The following HS6ST1 variants were observed in gnomAD, a reference collection of about 807,000 sequenced individuals.
HS6ST1 encodes heparan-sulfate 6-O-sulfotransferase 1.
Under a neutral mutation model 25.2 loss-of-function variants are expected in HS6ST1, and 3 were observed. The ratio of observed to expected loss-of-function variants is 0.12; its 90% confidence interval spans 0.05 to 0.31. The LOEUF is 0.31. HS6ST1 is among the 10% of genes least tolerant of loss of function. The pLI, the probability that HS6ST1 is intolerant of heterozygous loss-of-function variation, is 1.00. For missense variants in HS6ST1, 310 were observed against 609.6 expected (o/e 0.51, Z 5.18); for synonymous variants, 204 against 275.1 (o/e 0.74, Z 2.56).
At chr2:128,287,299 A>C (rs961344994) in intron 1 of HS6ST1, among the ~76,000 whole-genome samples, 1 of 152,182 alleles carries the variant, frequency 6.6e-6, no homozygotes, top group Non-Finnish European at 1.5e-5. Flanking sequence ...ACTCCCCCAG[A>C]GAAGGTGCAG....
chr2:128,296,617 T>G (rs952194743), intron 1 of HS6ST1, among the ~76,000 whole-genome samples: 6 of 152,224 alleles, frequency 3.9e-5, no homozygotes, highest in African/African-American at 1.4e-4. Context: ...ATGTTTTTGT[T>G]GGCATCAGAA....
chr2:128,282,991 G>A (rs1489032085), intron 1 of HS6ST1, among the ~76,000 whole-genome samples: 1 of 152,188 alleles, frequency 6.6e-6, no homozygotes, highest in Non-Finnish European at 1.5e-5. Context: ...ACTGCCAGGG[G>A]GCTGTCATCT....
chr2:128,299,442 CAT>C (rs1694089701), intron 1 of HS6ST1, among the ~76,000 whole-genome samples: 1 of 152,242 alleles, frequency 6.6e-6, no homozygotes, highest in African/African-American at 2.4e-5. Flanking sequence ...CTCAGTGTGA[CAT>C]GTGGGGAAAC....
chr2:128,296,912 C>T (rs1694046546), intron 1 of HS6ST1, among the ~76,000 whole-genome samples: 1 of 152,102 alleles, frequency 6.6e-6, no homozygotes, highest in South Asian at 2.1e-4. Context: ...AGCTAAAGTA[C>T]TTGACAAAAA....
intron 1 of HS6ST1, among the ~76,000 whole-genome samples, chr2:128,287,085 C>G (rs1210906798): frequency 6.6e-6 from 1 of 152,214 alleles, no homozygotes; most frequent in Non-Finnish European, 1.5e-5. Context: ...TGACAAGGAA[C>G]CCTCTGGGGC....
In HS6ST1 at chr2:128,318,393, G is replaced by T; in HGVS notation, c.171C>A (p.Phe57Leu). 4 of 1,605,666 alleles carry T rather than the reference G, an allele frequency of 2.5e-6. No homozygotes were observed. Among genetic ancestry groups the T allele is most frequent in the Non-Finnish European group, 3.4e-6 (4 of 1,177,246 alleles). The change falls in exon 1 of 2, where the codon TTC becomes TTA. Residue 57 changes from phenylalanine (F) to leucine (L), a missense_variant. Transcript: ENST00000259241. The surrounding 1 kb of genome is among the most constrained non-coding windows in gnomAD (Gnocchi z 5.7). The part of the protein sequence containing the change: ...GRAPPDDLDL[F>L]PTPDPHYEKK... ...TCTCGTAGTGGGGGTCGGGTGTGGG[G>T]AACAGGTCCAGGTCGTCGGGCGGCG...
intron 1 of HS6ST1, among the ~76,000 whole-genome samples, chr2:128,283,857 C>T (rs557065107): frequency 6.6e-6 from 1 of 152,338 alleles, no homozygotes; most frequent in Non-Finnish European, 1.5e-5. Context: ...AAACATCTCT[C>T]CCACTGCAAG....
chr2:128,304,904 A>G (rs1694185486), intron 1 of HS6ST1, among the ~76,000 whole-genome samples: 1 of 152,120 alleles, frequency 6.6e-6, no homozygotes, highest in Non-Finnish European at 1.5e-5. Flanking sequence ...GCACCCACAC[A>G]CACTTGCAGG....
intron 1 of HS6ST1, among the ~76,000 whole-genome samples, chr2:128,273,788 C>T (rs962826963): frequency 2.0e-5 from 3 of 152,204 alleles, no homozygotes; most frequent in African/African-American, 7.2e-5. Context: ...TGCCAAAAGG[C>T]GGGGTGGAGG....
chr2:128,317,984 G>T (rs937165563), intron 1 of HS6ST1, 53 bp downstream of exon 1: 15 of 1,393,852 alleles, frequency 1.1e-5, no homozygotes, highest in Middle Eastern at 2.6e-4. Context: ...GCGGGCATAC[G>T]GCCCGGCCTC....
At chr2:128,294,304 G>A (rs915718607) in intron 1 of HS6ST1, among the ~76,000 whole-genome samples, 15 of 152,304 alleles carry the variant, frequency 9.8e-5, no homozygotes, top group African/African-American at 2.2e-4. Flanking sequence ...GGCACAGGGC[G>A]GGGTGGGCTG....
At chr2:128,318,868 T>TGCGCCGCCCCGC (rs997272949), upstream of HS6ST1, among the ~76,000 whole-genome samples, 1 of 147,614 alleles carries the variant, frequency 6.8e-6, no homozygotes, top group African/African-American at 2.5e-5. The surrounding 1 kb of genome is among the most constrained non-coding windows in gnomAD (Gnocchi z 5.7). Context: ...GAGAACGCTC[T>TGCGCCGCCCCGC]GCGCCGCCCC....
chr2:128,294,671 C>CGTGTGTGTGTGT (rs56059401), intron 1 of HS6ST1, among the ~76,000 whole-genome samples: 5 of 136,046 alleles, frequency 3.7e-5, no homozygotes, highest in South Asian at 2.6e-4. Flanking sequence ...AGAAGGGAGG[C>CGTGTGTGTGTGT]GTGTGTGTGT....
chr2:128,282,583 C>G (rs577377179), intron 1 of HS6ST1, among the ~76,000 whole-genome samples: 2 of 152,340 alleles, frequency 1.3e-5, no homozygotes, highest in Admixed American at 1.3e-4. Context: ...GGGCAGAGAC[C>G]CCGAGGCAGG....
At chr2:128,304,529 G>A (rs1041524936) in intron 1 of HS6ST1, among the ~76,000 whole-genome samples, 7 of 90,054 alleles carry the variant, frequency 7.8e-5, no homozygotes, top group African/African-American at 3.5e-4. Context: ...CTCGGAGGCT[G>A]CCTTGCTAAT....
intron 1 of HS6ST1, among the ~76,000 whole-genome samples, chr2:128,305,567 C>T (rs113804479): frequency 2.0e-5 from 3 of 152,342 alleles, no homozygotes; most frequent in Non-Finnish European, 2.9e-5. Flanking sequence ...GGTTGGAGCC[C>T]GGCTGGCTGA....
chr2:128,273,537 C>T (rs923760463), intron 1 of HS6ST1, among the ~76,000 whole-genome samples: 4 of 152,220 alleles, frequency 2.6e-5, no homozygotes, highest in African/African-American at 7.2e-5. Context: ...CGGTGGGACT[C>T]TTTAGGAGCC....
At chr2:128,282,428 C>T (rs995620874) in intron 1 of HS6ST1, among the ~76,000 whole-genome samples, 6 of 152,202 alleles carry the variant, frequency 3.9e-5, no homozygotes, top group African/African-American at 1.4e-4. Flanking sequence ...TCTGTCTGGT[C>T]CCTCACAGCC....
At chr2:128,274,999 G>A (rs1434758668) in intron 1 of HS6ST1, among the ~76,000 whole-genome samples, 1 of 151,432 alleles carries the variant, frequency 6.6e-6, no homozygotes, top group African/African-American at 2.4e-5. Flanking sequence ...AGGAGTTGGG[G>A]TGGAGGGGGA....
Sources: allele counts gnomAD v4.1 joint callset (sites outside exome capture counted in the v4.1 genomes callset), GRCh38; gene constraint gnomAD v4.1.1; non-coding constraint Gnocchi (gnomAD v3.1); transcripts MANE v1.5; gene names NCBI Gene and HGNC (gene_info 2026-07-23, HGNC 2026-07-21).